Variants in ME3 observed in about 807,000 individuals in gnomAD.
ME3 encodes malic enzyme 3.
ME3 carries 48 observed loss-of-function variants against 68.9 expected under a neutral mutation model. The ratio of observed to expected loss-of-function variants is 0.70; its 90% confidence interval spans 0.55 to 0.89. ME3 has a LOEUF of 0.89. Ranked by LOEUF, ME3 falls within the 40% of genes least tolerant of loss-of-function variation. The probability of loss-of-function intolerance (pLI) is 0.00; values close to 1 mark genes in which losing one functional copy is unlikely to be tolerated. For missense variants in ME3, 675 were observed against 797.4 expected, an observed-to-expected ratio of 0.85 and a Z score of 1.85; for synonymous variants, 320 against 318.8, an observed-to-expected ratio of 1.00 and a Z score of -0.04.
intron 2 of ME3, among the ~76,000 whole-genome samples, chr11:86,624,985 T>C (rs1367021228): frequency 1.3e-5 from 2 of 152,298 alleles, no homozygotes; most frequent in East Asian, 3.9e-4. Flanking sequence ...AGTTGGCAAA[T>C]GACATGCTTA....
intron 6 of ME3, 69 bp from the exon 7 acceptor site, chr11:86,487,509 A>C: frequency 8.1e-7 from 1 of 1,240,190 alleles, no homozygotes; most frequent in Non-Finnish European, 1.2e-6. Context: ...TCCAACAAGT[A>C]TCCAGGATTA....
intron 4 of ME3, among the ~76,000 whole-genome samples, chr11:86,521,677 T>C (rs1954323235): frequency 6.6e-6 from 1 of 152,194 alleles, no homozygotes; most frequent in Non-Finnish European, 1.5e-5. Flanking sequence ...AGTTTCCCTG[T>C]GTCTTGACAC....
Position 86,620,285 on chromosome 11 carries a change from C to T in ME3, c.183+51477G>A, listed in dbSNP as rs1051206735. ...TTAACTAAATAACTATATATCATTT[C>T]GGGTGGGTGAAGTCCTTTGGGCAAT... is the stretch of plus-strand genomic sequence containing the variant. On this transcript the variant is annotated intron_variant, in intron 2 of 14. Transcript: ENST00000543262. Among the ~76,000 whole-genome samples, 14 of 152,110 alleles carry T rather than the reference C, an allele frequency of 9.2e-5. 1 individual carries two copies. Among genetic ancestry groups the T allele is most frequent in the African/African-American group, 3.1e-4 (13 of 41,432 alleles).
intron 2 of ME3, among the ~76,000 whole-genome samples, chr11:86,610,371 C>A (rs770798749): frequency 1.3e-5 from 2 of 151,996 alleles, no homozygotes; most frequent in African/African-American, 4.8e-5. Flanking sequence ...TACCTTGAGA[C>A]CTCAAAGGAA....
At chr11:86,628,908 G>T (rs80141434) in intron 2 of ME3, among the ~76,000 whole-genome samples, 5,277 of 152,280 alleles carry the variant, frequency 0.035, 126 homozygotes, top group Non-Finnish European at 0.054. Context: ...GTATTGACAA[G>T]CAAGGGATGG....
chr11:86,447,127 C>G, exon 12 of ME3: 1 of 1,614,152 alleles, frequency 6.2e-7, no homozygotes, highest in Non-Finnish European at 8.5e-7. Context: ...TTGCTCAGGG[C>G]AAAGATGATA....
intron 6 of ME3, among the ~76,000 whole-genome samples, chr11:86,497,692 A>C (rs902114637): frequency 8.5e-5 from 13 of 152,118 alleles, no homozygotes; most frequent in Admixed American, 5.2e-4. Flanking sequence ...AAGCCCAAGC[A>C]GGGGTCATTG....
intron 4 of ME3, among the ~76,000 whole-genome samples, chr11:86,533,438 A>G (rs970914230): frequency 2.0e-5 from 3 of 152,186 alleles, no homozygotes; most frequent in African/African-American, 7.2e-5. Context: ...GCCAAGACTG[A>G]ATCATGAAGA....
intron 5 of ME3, among the ~76,000 whole-genome samples, chr11:86,505,601 C>T (rs1398396969): frequency 1.3e-5 from 2 of 152,172 alleles, no homozygotes; most frequent in Non-Finnish European, 2.9e-5. Context: ...GACTGTACTG[C>T]GGTGTGGGCT....
intron 5 of ME3, among the ~76,000 whole-genome samples, chr11:86,506,902 A>C (rs1472073548): frequency 6.6e-6 from 1 of 152,204 alleles, no homozygotes; most frequent in Non-Finnish European, 1.5e-5. Context: ...CATGCTGTGG[A>C]AACTTGCTTC....
chr11:86,489,842 C>A (rs1253722752), intron 6 of ME3, among the ~76,000 whole-genome samples: 1 of 152,128 alleles, frequency 6.6e-6, no homozygotes. Context: ...CAGGTGTCTC[C>A]CCAGTACCTT....
intron 2 of ME3, among the ~76,000 whole-genome samples, chr11:86,614,252 G>A (rs1942797469): frequency 6.6e-6 from 1 of 152,182 alleles, no homozygotes; most frequent in Admixed American, 6.5e-5. Flanking sequence ...TGTGGAGCTG[G>A]CATTCAAACT....
At chr11:86,452,415 T>C (rs529098639) in intron 8 of ME3, among the ~76,000 whole-genome samples, 22 of 152,304 alleles carry the variant, frequency 1.4e-4, no homozygotes, top group African/African-American at 5.1e-4. Context: ...TCTAGGGGCG[T>C]ATCTTCATAT....
Position 86,442,935 on chromosome 11 carries a change from G to A in ME3, c.1555-16C>T. 6.3e-7 allele frequency: 1 copy of A among 1,587,686 alleles called. No homozygotes were observed. The highest frequency in any genetic ancestry group is 8.6e-7 in the Non-Finnish European group (1 of 1,157,244). ...GGGCAATTTGCTGGGGAGAAGGAGA[G>A]AACCGAGAGGAATAAGCTGAGTCTC... On this transcript the variant is annotated splice_polypyrimidine_tract_variant and intron_variant, in intron 13 of 14. Coordinates refer to ENST00000543262, the Ensembl canonical transcript of ME3.
chr11:86,649,639 C>T (rs770011237), intron 2 of ME3, among the ~76,000 whole-genome samples: 1 of 152,130 alleles, frequency 6.6e-6, no homozygotes, highest in African/African-American at 2.4e-5. Context: ...AATCAATGTG[C>T]AAAAATCACA....
rs538662423 is a variant in ME3, at chr11:86,636,446, C to T, written c.183+35316G>A. Among the ~76,000 whole-genome samples the T allele has an allele frequency of 1.2e-4, 18 of 152,194 alleles. 1 individual carries two copies. The East Asian group carries it at 3.1e-3, about 26-fold the overall frequency. On this transcript the variant is annotated intron_variant, in intron 2 of 14. Coordinates refer to ENST00000543262, the Ensembl canonical transcript of ME3. The stretch of plus-strand genomic sequence containing the variant: ...CCAGGACTGAAGAGTAGTGGCTGAG[C>T]ACTGCCCAACCACTGCAACCAACAC...
intron 2 of ME3, among the ~76,000 whole-genome samples, chr11:86,614,086 G>A (rs895034459): frequency 5.3e-5 from 8 of 152,188 alleles, no homozygotes; most frequent in African/African-American, 1.9e-4. Flanking sequence ...CAAGGCTACA[G>A]CAACCAAAAC....
At chr11:86,613,366 C>A (rs1162605121) in intron 2 of ME3, among the ~76,000 whole-genome samples, 1 of 152,136 alleles carries the variant, frequency 6.6e-6, no homozygotes, top group South Asian at 2.1e-4. Context: ...CAATATCATA[C>A]TGAATGGGCA....
chr11:86,469,835 T>A (rs909783122), intron 7 of ME3, among the ~76,000 whole-genome samples: 1 of 150,400 alleles, frequency 6.6e-6, no homozygotes, highest in Non-Finnish European at 1.5e-5. Flanking sequence ...GGCTAATGAG[T>A]GGATGTTTGA....
Sources: gnomAD v4.1 joint callset for allele counts (sites outside exome capture counted in the v4.1 genomes callset) on GRCh38, gnomAD v4.1.1 for gene constraint, MANE v1.5 for transcripts, NCBI Gene and HGNC (gene_info 2026-07-23, HGNC 2026-07-21) for gene names.